Variants in HS2ST1 observed in about 807,000 individuals in gnomAD.
HS2ST1 encodes the protein heparan sulfate 2-O-sulfotransferase 1.
Under a neutral mutation model 42.9 loss-of-function variants are expected in HS2ST1, and 18 were observed. The ratio of observed to expected loss-of-function variants is 0.42; its 90% CI spans 0.29 to 0.62. HS2ST1 has a LOEUF of 0.62. HS2ST1 is among the 20% of genes least tolerant of loss of function. HS2ST1 has a pLI of 0.21. For missense variants in HS2ST1, 334 were observed against 433.8 expected (o/e 0.77, Z 2.04); for synonymous variants, 146 against 152.9 (o/e 0.95, Z 0.33).
At chr1:86,927,617 A>ATTT (rs1190089368) in intron 1 of HS2ST1, among the ~76,000 whole-genome samples, 1 of 152,194 alleles carries the variant, frequency 6.6e-6, no homozygotes, top group Non-Finnish European at 1.5e-5. Flanking sequence ...GTAAGCACTC[A>ATTT]GAAATGACTA....
chr1:86,953,802 T>A (rs968465666), intron 1 of HS2ST1, among the ~76,000 whole-genome samples: 4 of 151,940 alleles, frequency 2.6e-5, no homozygotes, highest in Admixed American at 2.6e-4. Flanking sequence ...GACATGGGAC[T>A]CTTCCTTTCA....
At chr1:87,015,173 C>T (rs911327906) in intron 1 of HS2ST1, among the ~76,000 whole-genome samples, 4 of 151,964 alleles carry the variant, frequency 2.6e-5, no homozygotes, top group African/African-American at 9.7e-5. Flanking sequence ...TTCAGCCTCC[C>T]GAGTAGCTGG....
chr1:87,012,041 C>A (rs186402473), intron 1 of HS2ST1, among the ~76,000 whole-genome samples: 2 of 152,138 alleles, frequency 1.3e-5, no homozygotes, highest in Non-Finnish European at 2.9e-5. Context: ...TTAATTGATT[C>A]CCCTTTCCAC....
At chr1:87,057,327 G>C (rs1384721144) in intron 1 of HS2ST1, among the ~76,000 whole-genome samples, 1 of 152,154 alleles carries the variant, frequency 6.6e-6, no homozygotes. Flanking sequence ...GCAAGTTTCA[G>C]AATGCTGGCT....
intron 1 of HS2ST1, among the ~76,000 whole-genome samples, chr1:87,035,974 T>C (rs1397775735): frequency 1.3e-5 from 2 of 152,074 alleles, no homozygotes; most frequent in African/African-American, 4.8e-5. Context: ...CCTTTTCTAG[T>C]CTTCCACCCC....
In HS2ST1 at chr1:87,109,643, T is replaced by C. The variant is rs907946777; in HGVS notation, c.*4947T>C. 1.1e-4 allele frequency: 16 copies of C among 152,210 alleles called. No homozygotes were observed. The highest frequency in any genetic ancestry group is 9.8e-4 in the Admixed American group (15 of 15,276). 9.4% of individuals were successfully genotyped at this position (152,210 alleles called of 1,614,324 possible). On this transcript the variant is annotated 3_prime_UTR_variant, in exon 7 of 7. Transcript: ENST00000370550. ...GCCACTGGCTCATTGCTTTGAGCAA[T>C]GCTTGATTGATTCTATTTATATTAT...
chr1:87,003,793 G>A lies in HS2ST1; in HGVS notation c.125-69141G>A, dbSNP rs1557511963. 2.0e-5 allele frequency among the ~76,000 whole-genome samples: 3 copies of A among 152,020 alleles called. No homozygotes were observed. In the East Asian group the frequency reaches 5.8e-4, roughly 29 times the overall value. ...ATTTTCATTGTATTAGGTGTAATAA[G>A]CAACCTAGAGATGATATAAGTATAC... On this transcript the variant is annotated intron_variant, in intron 1 of 6. Transcript: ENST00000370550.
chr1:87,003,181 T>C (rs1001529705), intron 1 of HS2ST1, among the ~76,000 whole-genome samples: 45 of 152,246 alleles, frequency 3.0e-4, no homozygotes, highest in African/African-American at 1.0e-3. Flanking sequence ...GAAGAAACCC[T>C]TGACTGGCTG....
chr1:86,949,873 G>T (rs1241686699), intron 1 of HS2ST1, among the ~76,000 whole-genome samples: 1 of 152,206 alleles, frequency 6.6e-6, no homozygotes, highest in Non-Finnish European at 1.5e-5. Flanking sequence ...GTGAGATGCA[G>T]TTGTGCTTTT....
At chr1:87,008,336 T>C (rs6689714) in intron 1 of HS2ST1, among the ~76,000 whole-genome samples, 20,779 of 152,222 alleles carry the variant, frequency 0.14, 1,510 homozygotes, top group African/African-American at 0.18. Context: ...GTATAACATA[T>C]ACCATCAGTT....
rs376690869 is a variant in HS2ST1, at chr1:87,023,077, A to G, written c.125-49857A>G. 3.5e-4 allele frequency among the ~76,000 whole-genome samples: 53 copies of G among 152,344 alleles called. 1 individual carries two copies. In the East Asian group the frequency reaches 0.01, roughly 29 times the overall value. On this transcript the variant is annotated intron_variant, in intron 1 of 6. Coordinates refer to ENST00000370550, the MANE Select transcript of HS2ST1 (RefSeq NM_012262.4). ...CATAAACAAATACAAAATTTGTGTT[A>G]TGTCCAAATTGTTCCCAATATGTCA...
At chr1:87,037,317 A>T (rs931320685) in intron 1 of HS2ST1, among the ~76,000 whole-genome samples, 12 of 152,216 alleles carry the variant, frequency 7.9e-5, no homozygotes, top group African/African-American at 2.7e-4. Context: ...TTGGATAACT[A>T]TTATAATTAC....
intron 1 of HS2ST1, among the ~76,000 whole-genome samples, chr1:86,987,728 C>G (rs12132849): frequency 2.0e-5 from 3 of 152,174 alleles, no homozygotes; most frequent in Non-Finnish European, 2.9e-5. Context: ...TCACTTTGTT[C>G]TAGGAACATC....
chr1:86,927,313 C>T (rs34304767), intron 1 of HS2ST1, among the ~76,000 whole-genome samples: 36,185 of 151,996 alleles, frequency 0.24, 5,065 homozygotes, highest in African/African-American at 0.38. Flanking sequence ...CGTGGCATGG[C>T]ACAATTCTTG....
chr1:86,984,902 G>A (rs1221712296), intron 1 of HS2ST1, among the ~76,000 whole-genome samples: 5 of 44,770 alleles, frequency 1.1e-4, no homozygotes, highest in African/African-American at 2.3e-4. Context: ...AGAAATCTCC[G>A]TCTCAAAAAA....
chr1:87,097,999 A>G (rs1244625541), intron 5 of HS2ST1, 64 bp downstream of exon 5: 5 of 1,607,682 alleles, frequency 3.1e-6, no homozygotes, highest in Non-Finnish European at 4.3e-6. Context: ...TCTGTGTTTC[A>G]TTTCACAAGG....
intron 1 of HS2ST1, among the ~76,000 whole-genome samples, chr1:86,983,066 G>C (rs1036151207): frequency 6.6e-6 from 1 of 152,184 alleles, no homozygotes; most frequent in African/African-American, 2.4e-5. Context: ...CATTCAACAA[G>C]TCTCTAGGAG....
At chr1:86,949,064 T>C (rs766530181) in intron 1 of HS2ST1, among the ~76,000 whole-genome samples, 4 of 152,182 alleles carry the variant, frequency 2.6e-5, no homozygotes, top group Non-Finnish European at 5.9e-5. Flanking sequence ...TGTATTTGCA[T>C]TTAGGTAGGA....
chr1:87,067,538 A>G (rs1417669609), intron 1 of HS2ST1, among the ~76,000 whole-genome samples: 1 of 152,132 alleles, frequency 6.6e-6, no homozygotes, highest in Non-Finnish European at 1.5e-5. Flanking sequence ...CTCTGATGAT[A>G]GTTTCTTTGG....
Sources: gnomAD v4.1 joint callset for allele counts (sites outside exome capture counted in the v4.1 genomes callset) on GRCh38, gnomAD v4.1.1 for gene constraint, MANE v1.5 for transcripts, NCBI Gene and HGNC (gene_info 2026-07-23, HGNC 2026-07-21) for gene names.